NTRK2: variants seen among roughly 807,000 people sequenced by gnomAD.
NTRK2 encodes neurotrophic receptor tyrosine kinase 2, also known as BDNF/NT-3 growth factors receptor.
In NTRK2, 13 loss-of-function variants were observed where a neutral mutation model predicts 94.5. That is an observed-to-expected ratio of 0.14 (90% CI 0.09 to 0.22). The LOEUF is 0.22. Among genes scored for constraint, NTRK2 ranks in the 10% least tolerant of loss-of-function variants. The probability of loss-of-function intolerance (pLI) is 1.00; values close to 1 mark genes in which losing one functional copy is unlikely to be tolerated. For synonymous variants in NTRK2, 372 were observed against 407.4 expected, an observed-to-expected ratio of 0.91 and a Z score of 1.05; for missense variants, 639 against 1,071.2, an observed-to-expected ratio of 0.60 and a Z score of 5.63.
At chr9:84,861,210 T>A in intron 13 of NTRK2, 123 bp downstream of exon 13, 2 of 798,706 alleles carry the variant, frequency 2.5e-6, no homozygotes, top group Non-Finnish European at 4.1e-6. Flanking sequence ...TCCTGGTTTT[T>A]GATTTGTTGA....
intron 9 of NTRK2, among the ~76,000 whole-genome samples, chr9:84,736,366 G>A (rs1384270140): frequency 6.6e-6 from 1 of 152,178 alleles, no homozygotes; most frequent in Admixed American, 6.6e-5. Flanking sequence ...CTCCTTCCGT[G>A]CTGTTTTATC....
intron 14 of NTRK2, among the ~76,000 whole-genome samples, chr9:84,899,297 C>T (rs985389259): frequency 2.0e-5 from 3 of 152,210 alleles, no homozygotes; most frequent in Admixed American, 6.5e-5. Context: ...TAGAAAACAA[C>T]ACCCCATCAA....
chr9:84,990,863 A>T (rs1321804782), intron 17 of NTRK2, among the ~76,000 whole-genome samples: 2 of 152,164 alleles, frequency 1.3e-5, no homozygotes, highest in Non-Finnish European at 2.9e-5. Context: ...AGAGAGGACA[A>T]TGCTGAGGGG....
intron 17 of NTRK2, among the ~76,000 whole-genome samples, chr9:84,994,372 T>G (rs1829468420): frequency 6.6e-6 from 1 of 152,232 alleles, no homozygotes; most frequent in Non-Finnish European, 1.5e-5. Flanking sequence ...TTTAAGTGAA[T>G]GAACAGACTT....
At chr9:84,677,929 G>C (rs1213515925) in intron 2 of NTRK2, among the ~76,000 whole-genome samples, 3 of 152,136 alleles carry the variant, frequency 2.0e-5, no homozygotes, top group Non-Finnish European at 4.4e-5. Context: ...AAATAAAACT[G>C]TTAATAATCA....
chr9:85,008,381 T>C (rs1435842388), intron 17 of NTRK2, among the ~76,000 whole-genome samples: 2 of 152,038 alleles, frequency 1.3e-5, no homozygotes, highest in Non-Finnish European at 2.9e-5. Flanking sequence ...TTGCCATTAT[T>C]TTTCATGGCA....
chr9:84,703,233 T>G (rs927356115), intron 4 of NTRK2, among the ~76,000 whole-genome samples: 2 of 152,260 alleles, frequency 1.3e-5, no homozygotes, highest in Non-Finnish European at 2.9e-5. Context: ...GATTCTGTTT[T>G]GCTGTACCAA....
intron 6 of NTRK2, among the ~76,000 whole-genome samples, chr9:84,716,092 T>TA (rs1246383624): frequency 3.9e-5 from 6 of 152,162 alleles, no homozygotes; most frequent in African/African-American, 1.4e-4. Context: ...CCACACAGAA[T>TA]AATAGTCCCA....
chr9:84,930,837 A>G (rs1431997310), intron 14 of NTRK2, among the ~76,000 whole-genome samples: 2 of 152,208 alleles, frequency 1.3e-5, no homozygotes, highest in East Asian at 3.9e-4. Context: ...GAATGGGAAG[A>G]CGTTCTTAGC....
At chr9:84,693,437 G>T (rs1293994940) in intron 2 of NTRK2, among the ~76,000 whole-genome samples, 3 of 152,072 alleles carry the variant, frequency 2.0e-5, no homozygotes, top group African/African-American at 7.2e-5. Context: ...TAAGAAAAGT[G>T]CTATATAAAC....
intron 14 of NTRK2, chr9:84,877,866 C>T (rs960295105): frequency 4.8e-6 from 5 of 1,033,022 alleles, no homozygotes; most frequent in Non-Finnish European, 5.8e-6. Flanking sequence ...CAGAGCCAAA[C>T]GCATATACCA....
intron 12 of NTRK2, among the ~76,000 whole-genome samples, chr9:84,770,700 G>C (rs1032908345): frequency 1.1e-4 from 16 of 152,222 alleles, no homozygotes; most frequent in African/African-American, 3.6e-4. Context: ...GTAGATTATA[G>C]TTACCATTTA....
At position 84,888,611 on chromosome 9, in the gene NTRK2, CAAAAAAAAAAAAAAAAAAAA is replaced by C. The variant is rs71369158; in HGVS notation, c.1633+21199_1633+21218del. ...CTGGCGACAGAGCAACACTCCATCT[CAAAAAAAAAAAAAAAAAAAA>C]AAAAAAAAAAAAAAAAAAGTGGCAG... is the stretch of plus-strand genomic sequence containing the variant. On this transcript the variant is annotated intron_variant, in intron 14 of 18. Coordinates refer to ENST00000277120, the MANE Select transcript of NTRK2 (RefSeq NM_006180.6). Among the ~76,000 whole-genome samples the C allele has an allele frequency of 8.3e-4, 28 of 33,848 alleles. 2 individuals are homozygous for C. The highest frequency in any genetic ancestry group is 2.7e-3 in the East Asian group (1 of 374). The allele number at this position is 33,848 out of a possible 152,430, so 22.2% of individuals were successfully genotyped here. A position where few individuals can be genotyped will look rare whatever the true frequency, so the allele number is the denominator to read the frequency against.
At chr9:84,889,497 C>G (rs539756333) in intron 14 of NTRK2, among the ~76,000 whole-genome samples, 50 of 152,320 alleles carry the variant, frequency 3.3e-4, no homozygotes, top group African/African-American at 1.2e-3. Flanking sequence ...TCTGCAACCT[C>G]CACATCCTGG....
At chr9:84,945,496 CT>C (rs1335576046) in intron 15 of NTRK2, among the ~76,000 whole-genome samples, 1 of 152,166 alleles carries the variant, frequency 6.6e-6, no homozygotes. Context: ...TCTCTTCTAT[CT>C]CCTCCATCTC....
intron 12 of NTRK2, among the ~76,000 whole-genome samples, chr9:84,784,728 T>A (rs1246710409): frequency 1.3e-5 from 2 of 152,220 alleles, no homozygotes; most frequent in Non-Finnish European, 2.9e-5. Context: ...TGACATCTCC[T>A]GAGGGGGTGA....
chr9:84,953,360 A>G (rs1436275517), intron 16 of NTRK2, among the ~76,000 whole-genome samples: 1 of 152,252 alleles, frequency 6.6e-6, no homozygotes, highest in Admixed American at 6.5e-5. Context: ...ATGCAAGCAC[A>G]GTGTCAGTCC....
At chr9:84,702,471 T>TC (rs1564085210) in intron 4 of NTRK2, 52 bp downstream of exon 4, 1 of 1,444,876 alleles carries the variant, frequency 6.9e-7, no homozygotes, top group Admixed American at 1.7e-5. Context: ...ATTCAATATT[T>TC]CCCCCCTCTG....
In NTRK2 at chr9:84,794,743, A is replaced by G. The variant is rs2069104568; in HGVS notation, c.1396+42658A>G. Among the ~76,000 whole-genome samples, 3 of 152,128 alleles carry G rather than the reference A, an allele frequency of 2.0e-5. No individual in the cohort carries two copies. In the South Asian group the frequency reaches 6.2e-4, roughly 32 times the overall value. On this transcript the variant is annotated intron_variant, in intron 12 of 18. Coordinates refer to ENST00000277120, the MANE Select transcript of NTRK2 (RefSeq NM_006180.6). The stretch of plus-strand genomic sequence containing the variant: ...AGGGGAAATTCTTGCATATAAAGGG[A>G]CTTTGGGAGTCTAGGACAGAGGTTG...
Sources: allele counts gnomAD v4.1 joint callset (sites outside exome capture counted in the v4.1 genomes callset), GRCh38; gene constraint gnomAD v4.1.1; transcripts MANE v1.5; gene names NCBI Gene and HGNC (gene_info 2026-07-23, HGNC 2026-07-21).